Variants in DNAH17 observed in about 807,000 individuals in gnomAD.
DNAH17 encodes the protein axonemal beta dynein heavy chain 17.
A neutral mutation model predicts 485.6 loss-of-function variants in DNAH17; 376 were observed. The ratio of observed to expected loss-of-function variants is 0.77; its 90% CI spans 0.71 to 0.84. The LOEUF is 0.84. Among genes scored for constraint, DNAH17 ranks in the 40% least tolerant of loss-of-function variants. DNAH17 has a pLI of 0.00. For missense variants in DNAH17, 6,370 were observed against 5,839.3 expected (o/e 1.09, Z -2.96); for synonymous variants, 3,031 against 2,405.9 (o/e 1.26, Z -7.60).
At chr17:78,572,389 G>A (rs1244042009) in intron 3 of DNAH17, among the ~76,000 whole-genome samples, 1 of 152,140 alleles carries the variant, frequency 6.6e-6, no homozygotes, top group East Asian at 1.9e-4. Context: ...CATGCTGACA[G>A]GTGGGACACC....
At chr17:78,455,950 C>T (rs1468015112) in intron 62 of DNAH17, 114 bp from the exon 63 acceptor site, 3 of 841,226 alleles carry the variant, frequency 3.6e-6, no homozygotes, top group Non-Finnish European at 5.2e-6. Flanking sequence ...CTGCACCTGG[C>T]TCAGTGGCTC....
Position 78,466,720 on chromosome 17 carries a change from C to A in DNAH17, c.8875G>T (p.Glu2959Ter). The A allele has an allele frequency of 6.2e-7, 1 of 1,612,920 alleles. No individual in the cohort carries two copies. Among genetic ancestry groups the A allele is most frequent in the Non-Finnish European group, 8.5e-7 (1 of 1,179,592 alleles). The change falls in exon 56 of 81, where the codon GAG becomes TAG. Residue 2959 changes from glutamate (E) to a stop codon, truncating the protein, a stop_gained. Coordinates refer to ENST00000389840, the MANE Select transcript of DNAH17 (RefSeq NM_173628.4). LOFTEE classifies it high-confidence loss of function. The stretch of plus-strand genomic sequence containing the variant: ...GACACCAGCGCATCTTCCGGCCACT[C>A]GTGGAACCAGTCGATGGCCGTGCAG... Reference protein sequence around the residue: ...VNCTAIDWFHEWPEDALVSVS... With the variant: ...VNCTAIDWFH
intron 12 of DNAH17, 88 bp from the exon 13 acceptor site, chr17:78,561,023 G>T: frequency 1.5e-6 from 2 of 1,317,376 alleles, no homozygotes; most frequent in Non-Finnish European, 2.1e-6. Context: ...CCGATCTGGG[G>T]TGCCGAAGCG....
chr17:78,541,567 G>A (rs1011708201), intron 17 of DNAH17, among the ~76,000 whole-genome samples: 3 of 152,006 alleles, frequency 2.0e-5, no homozygotes, highest in Non-Finnish European at 2.9e-5. Context: ...TGGCTCTAAT[G>A]ACTGTCATGA....
At chr17:78,527,680 A>G (rs1182417604) in intron 22 of DNAH17, among the ~76,000 whole-genome samples, 8 of 152,126 alleles carry the variant, frequency 5.3e-5, no homozygotes, top group African/African-American at 1.7e-4. Flanking sequence ...CCAGCTCTAT[A>G]ATGTTGTCAT....
chr17:78,477,442 G>A (rs980186082), intron 51 of DNAH17, among the ~76,000 whole-genome samples: 4 of 151,966 alleles, frequency 2.6e-5, no homozygotes, highest in Non-Finnish European at 4.4e-5. Flanking sequence ...GCAGTGGCAC[G>A]ATCTCAGCTT....
chr17:78,426,755 G>A (rs2146409008), intron 78 of DNAH17, 155 bp from the exon 79 acceptor site: 1 of 1,294,650 alleles, frequency 7.7e-7, no homozygotes, highest in East Asian at 2.4e-5. Context: ...TCCTGCTAAG[G>A]AACGGTCTAG....
At chr17:78,570,455 G>GCT in intron 6 of DNAH17, 83 bp from the exon 7 acceptor site, 2 of 1,495,866 alleles carry the variant, frequency 1.3e-6, no homozygotes, top group East Asian at 2.4e-5. Context: ...CCTTCCCATG[G>GCT]CTCTCACTGG....
chr17:78,474,264 A>C (rs1269756596), intron 54 of DNAH17, among the ~76,000 whole-genome samples: 4 of 152,246 alleles, frequency 2.6e-5, no homozygotes, highest in African/African-American at 9.6e-5. Flanking sequence ...TCCTGGCCCC[A>C]CAACAGCGGC....
intron 65 of DNAH17, 109 bp from the exon 66 acceptor site, chr17:78,451,782 A>T: frequency 1.1e-6 from 1 of 895,554 alleles, no homozygotes; most frequent in Non-Finnish European, 1.7e-6. Flanking sequence ...GCCACCTTGA[A>T]CCCTCCCTTC....
chr17:78,428,367 G>C (rs1055488428), intron 77 of DNAH17, 158 bp downstream of exon 77: 6 of 864,858 alleles, frequency 6.9e-6, no homozygotes. Flanking sequence ...ACCAGCCTGC[G>C]GGCCATACCC....
chr17:78,547,205 G>A (rs1160682172), intron 16 of DNAH17, among the ~76,000 whole-genome samples: 3 of 152,160 alleles, frequency 2.0e-5, no homozygotes, highest in Admixed American at 1.3e-4. Context: ...ACTCTAGAAT[G>A]TGGTTGACCT....
chr17:78,557,304 G>A (rs1304326300), intron 14 of DNAH17, among the ~76,000 whole-genome samples: 1 of 152,108 alleles, frequency 6.6e-6, no homozygotes, highest in Non-Finnish European at 1.5e-5. Flanking sequence ...TTGTTCAGGA[G>A]GGTAAATAGA....
intron 25 of DNAH17, among the ~76,000 whole-genome samples, chr17:78,520,854 T>C (rs2143192053): frequency 6.6e-6 from 1 of 152,354 alleles, no homozygotes; most frequent in African/African-American, 2.4e-5. Flanking sequence ...AGGTTTTATT[T>C]TTTTATAAGC....
intron 31 of DNAH17, among the ~76,000 whole-genome samples, chr17:78,504,349 G>A (rs1276142324): frequency 6.6e-6 from 1 of 152,070 alleles, no homozygotes; most frequent in Non-Finnish European, 1.5e-5. Context: ...ATTGGCATGA[G>A]CTACCGCGCC....
At chr17:78,503,100 C>T in intron 31 of DNAH17, 89 bp from the exon 32 acceptor site, 2 of 1,264,128 alleles carry the variant, frequency 1.6e-6, no homozygotes, top group Non-Finnish European at 1.0e-6. Flanking sequence ...TAAAGAAAAA[C>T]ATTTCTCATC....
At chr17:78,456,601 G>T (rs1007112069) in intron 62 of DNAH17, among the ~76,000 whole-genome samples, 1 of 152,186 alleles carries the variant, frequency 6.6e-6, no homozygotes, top group African/African-American at 2.4e-5. Context: ...GATGCGCCTC[G>T]TGCTTCTCGG....
chr17:78,541,809 C>A (rs899071015), intron 17 of DNAH17, among the ~76,000 whole-genome samples: 32 of 152,156 alleles, frequency 2.1e-4, no homozygotes, highest in African/African-American at 7.0e-4. Flanking sequence ...CTGTTTCCAA[C>A]CCTTCTGAGA....
chr17:78,460,924 C>A (rs2088088341), intron 58 of DNAH17, among the ~76,000 whole-genome samples: 1 of 152,132 alleles, frequency 6.6e-6, no homozygotes, highest in South Asian at 2.1e-4. Context: ...CTGGAACGCT[C>A]TTCAATAATT....
Sources: gnomAD v4.1 joint callset for allele counts (sites outside exome capture counted in the v4.1 genomes callset) on GRCh38, gnomAD v4.1.1 for gene constraint, MANE v1.5 for transcripts, NCBI Gene and HGNC (gene_info 2026-07-23, HGNC 2026-07-21) for gene names.